Variants in PTPRK observed in about 807,000 individuals in gnomAD.
PTPRK encodes the protein protein tyrosine phosphatase receptor type K.
A neutral mutation model predicts 178.0 loss-of-function variants in PTPRK; 75 were observed. The observed-to-expected ratio is 0.42, with a 90% confidence interval of 0.35 to 0.51. The LOEUF is 0.51. Among genes scored for constraint, PTPRK ranks in the 20% least tolerant of loss-of-function variants. The probability of loss-of-function intolerance (pLI) is 0.02; values close to 1 mark genes in which losing one functional copy is unlikely to be tolerated. For synonymous variants in PTPRK, 637 were observed against 620.6 expected (o/e 1.03, Z -0.39); for missense variants, 1,441 against 1,797.8 (o/e 0.80, Z 3.59).
rs747431535 is a variant in PTPRK at position 128,397,599 on chromosome 6, C to T, written c.190G>A (p.Glu64Lys). The T allele has an allele frequency of 6.2e-7, 1 of 1,613,930 alleles. No homozygotes were observed. The highest frequency in any genetic ancestry group is 1.1e-5 in the South Asian group (1 of 91,068). ...ATCTCGGGTGGTAGATAATGAGGCT[C>T]TTGAGCACTAACATGCACCCATTCA... ...DFEWVHVSAQ[E>K]PHYLPPEMPQ... Residue 64 changes from glutamate (E) to lysine (K), a missense_variant, in exon 2 of 30, where the codon GAG (glutamate) becomes AAG (lysine). Glu to Lys is a moderately conservative substitution (Grantham distance 56, BLOSUM62 1). Around this residue, in one of 4 missense-constraint regions of PTPRK, gnomAD observed 158 missense variants for 188.0 expected, o/e 0.84. Coordinates refer to ENST00000368226, the MANE Select transcript of PTPRK (RefSeq NM_002844.4).
At chr6:128,026,700 TAAG>T (rs1302309238) in intron 13 of PTPRK, among the ~76,000 whole-genome samples, 1 of 152,194 alleles carries the variant, frequency 6.6e-6, no homozygotes, top group Non-Finnish European at 1.5e-5. Flanking sequence ...TGAAAAAATA[TAAG>T]AAGTATTCTT....
At chr6:128,395,522 C>T (rs536023007) in intron 2 of PTPRK, among the ~76,000 whole-genome samples, 1 of 152,260 alleles carries the variant, frequency 6.6e-6, no homozygotes, top group Admixed American at 6.5e-5. Flanking sequence ...CAACATCTTT[C>T]TTATTATTCT....
At chr6:128,321,899 A>T in intron 3 of PTPRK, 140 bp downstream of exon 3, 1 of 1,065,956 alleles carries the variant, frequency 9.4e-7, no homozygotes, top group Non-Finnish European at 1.4e-6. Flanking sequence ...TCTATGTATG[A>T]CACTTCCCCA....
intron 3 of PTPRK, among the ~76,000 whole-genome samples, chr6:128,243,765 A>G (rs989183960): frequency 3.9e-5 from 6 of 152,282 alleles, no homozygotes; most frequent in African/African-American, 1.2e-4. Flanking sequence ...CAGCTCTTCA[A>G]TGTTGTATTT....
intron 6 of PTPRK, among the ~76,000 whole-genome samples, chr6:128,208,568 T>C (rs765305553): frequency 2.3e-4 from 35 of 152,278 alleles, no homozygotes; most frequent in Non-Finnish European, 3.2e-4. Flanking sequence ...TGTTTTTATA[T>C]GCAGATAATG....
At chr6:128,388,215 A>G (rs904849571) in intron 2 of PTPRK, among the ~76,000 whole-genome samples, 1 of 152,192 alleles carries the variant, frequency 6.6e-6, no homozygotes, top group Non-Finnish European at 1.5e-5. Flanking sequence ...ATTGATACTT[A>G]TAAGACATAA....
chr6:128,499,737 T>C (rs1322136470), intron 1 of PTPRK, among the ~76,000 whole-genome samples: 1 of 152,202 alleles, frequency 6.6e-6, no homozygotes, highest in Non-Finnish European at 1.5e-5. Flanking sequence ...CATATAAGGA[T>C]ACATAAATCT....
At chr6:128,417,520 T>C (rs1413138831) in intron 1 of PTPRK, among the ~76,000 whole-genome samples, 1 of 152,236 alleles carries the variant, frequency 6.6e-6, no homozygotes, top group Non-Finnish European at 1.5e-5. Context: ...CATTTAATAA[T>C]GTCAACAGGT....
At chr6:128,354,231 G>GTTTTTT (rs756148554) in intron 2 of PTPRK, among the ~76,000 whole-genome samples, 2,401 of 49,148 alleles carry the variant, frequency 0.049, 854 homozygotes, top group East Asian at 0.23. Flanking sequence ...TTTTGTTTAT[G>GTTTTTT]TTTTTTTTTT....
chr6:128,000,161 C>A, intron 15 of PTPRK: 1 of 974,906 alleles, frequency 1.0e-6, no homozygotes, highest in Admixed American at 6.8e-5. Context: ...AGAAAATACA[C>A]TCTTAGGGGA....
At chr6:128,095,277 A>G (rs1400694933) in intron 7 of PTPRK, among the ~76,000 whole-genome samples, 1 of 152,176 alleles carries the variant, frequency 6.6e-6, no homozygotes, top group Non-Finnish European at 1.5e-5. Context: ...CACACTTTGT[A>G]TCCCATACAT....
chr6:128,519,550 G>A lies in PTPRK; in HGVS notation c.100+709C>T, dbSNP rs1386120769. Among the ~76,000 whole-genome samples the A allele has an allele frequency of 1.3e-5, 2 of 152,352 alleles. No individual in the cohort carries two copies. Among genetic ancestry groups the A allele is most frequent in the East Asian group, 3.9e-4 (2 of 5,150 alleles). ...GCCCGAGGAGCGGGCTCCCACGCGC[G>A]AGTCAGGCTTCCTCCACCAGGCGCC... On this transcript the variant is annotated intron_variant, in intron 1 of 29. Coordinates refer to ENST00000368226, the MANE Select transcript of PTPRK (RefSeq NM_002844.4). The surrounding 1 kb of genome is among the most constrained non-coding windows in gnomAD (Gnocchi z 4.3).
intron 1 of PTPRK, among the ~76,000 whole-genome samples, chr6:128,471,546 A>T (rs1850652507): frequency 6.7e-6 from 1 of 150,358 alleles, no homozygotes; most frequent in South Asian, 2.1e-4. Context: ...AAAGGAAAGC[A>T]ATTATAAATT....
intron 2 of PTPRK, among the ~76,000 whole-genome samples, chr6:128,360,759 TA>T (rs1834629669): frequency 6.6e-6 from 1 of 152,150 alleles, no homozygotes; most frequent in African/African-American, 2.4e-5. Flanking sequence ...GCTAGGAAAC[TA>T]AAAAGTGTAG....
At chr6:128,095,280 C>T (rs1370164950) in intron 7 of PTPRK, among the ~76,000 whole-genome samples, 3 of 152,024 alleles carry the variant, frequency 2.0e-5, no homozygotes, top group Non-Finnish European at 4.4e-5. Flanking sequence ...ACTTTGTATC[C>T]CATACATTTA....
intron 2 of PTPRK, among the ~76,000 whole-genome samples, chr6:128,333,908 C>G (rs1830585575): frequency 6.6e-6 from 1 of 152,110 alleles, no homozygotes; most frequent in Non-Finnish European, 1.5e-5. Context: ...AAGTGAGAGA[C>G]CTGCAGTTAT....
At chr6:127,974,974 T>C (rs1055579542) in intron 27 of PTPRK, among the ~76,000 whole-genome samples, 6 of 152,154 alleles carry the variant, frequency 3.9e-5, no homozygotes, top group Admixed American at 6.5e-5. Context: ...CAAGAGCCCA[T>C]GCATCTTTTG....
chr6:128,271,198 T>C (rs1006125190), intron 3 of PTPRK, among the ~76,000 whole-genome samples: 9 of 152,092 alleles, frequency 5.9e-5, no homozygotes, highest in African/African-American at 1.4e-4. Flanking sequence ...CAATCCAAGG[T>C]AACTGAGATG....
chr6:128,161,332 T>C (rs1798681913), intron 7 of PTPRK, among the ~76,000 whole-genome samples: 1 of 151,658 alleles, frequency 6.6e-6, no homozygotes, highest in Non-Finnish European at 1.5e-5. Context: ...TGTCAATGTG[T>C]ATTCCATAGC....
Sources: gnomAD v4.1 joint callset for allele counts (sites outside exome capture counted in the v4.1 genomes callset) on GRCh38, gnomAD v4.1.1 for gene constraint, gnomAD v4.1.1 regional missense constraint, Gnocchi (gnomAD v3.1) non-coding constraint, MANE v1.5 for transcripts, NCBI Gene and HGNC (gene_info 2026-07-23, HGNC 2026-07-21) for gene names.